Variants in GNAZ observed in about 807,000 individuals in gnomAD.
The protein encoded by GNAZ is G protein subunit alpha z, also known as guanine nucleotide-binding protein G(z) subunit alpha.
A neutral mutation model predicts 25.4 loss-of-function variants in GNAZ; 3 were observed. The observed-to-expected ratio is 0.12, with a 90% CI of 0.05 to 0.30. The LOEUF is 0.30. Ranked by LOEUF, GNAZ falls within the 10% of genes least tolerant of loss-of-function variation. The pLI, the probability that GNAZ is intolerant of heterozygous loss-of-function variation, is 1.00. For synonymous variants in GNAZ, 211 were observed against 205.7 expected, an observed-to-expected ratio of 1.03 and a Z score of -0.22; for missense variants, 241 against 501.8, an observed-to-expected ratio of 0.48 and a Z score of 4.97.
chr22:23,120,075 C>T (rs892967879), intron 2 of GNAZ, among the ~76,000 whole-genome samples: 5 of 152,182 alleles, frequency 3.3e-5, no homozygotes, highest in African/African-American at 7.2e-5. Context: ...GCCGCAGTGG[C>T]GGAATCCTGA....
chr22:23,095,534 G>A lies in GNAZ; in HGVS notation c.-162G>A, dbSNP rs1223140911. On this transcript the variant is annotated 5_prime_UTR_variant, in exon 2 of 3. Coordinates refer to ENST00000615612, the MANE Select transcript of GNAZ (RefSeq NM_002073.4). Reference sequence around the variant, plus strand: ...GCGCCATGCCGGCTGGAGAAGAGGCGCTGGGGCAGGGGCTGCAGTGTGGCT... The same window carrying A: ...GCGCCATGCCGGCTGGAGAAGAGGCACTGGGGCAGGGGCTGCAGTGTGGCT... The A allele has an allele frequency of 2.7e-5, 20 of 736,378 alleles. No homozygotes were observed. The highest frequency in any genetic ancestry group is 1.6e-4 in the East Asian group (6 of 36,864). The allele number at this position is 736,378 out of a possible 1,614,324, so 45.6% of individuals were successfully genotyped here.
chr22:23,086,138 T>C lies in GNAZ; in HGVS notation c.-449-9109T>C, dbSNP rs142384174. Among the ~76,000 whole-genome samples, 230 of 152,356 alleles carry C rather than the reference T, an allele frequency of 1.5e-3. 4 individuals carry two copies. Among genetic ancestry groups the C allele is most frequent in the Non-Finnish European group, 2.7e-3 (185 of 68,026 alleles). On this transcript the variant is annotated intron_variant, in intron 1 of 2. Transcript: ENST00000615612. ...GACTATGAAGTCATTATGAAGTACA[T>C]TTTTTAAGTAAAAAAGGCAGTCAAT... is the stretch of plus-strand genomic sequence containing the variant.
chr22:23,107,496 C>T (rs1157714612), intron 2 of GNAZ, among the ~76,000 whole-genome samples: 1 of 152,186 alleles, frequency 6.6e-6, no homozygotes, highest in Non-Finnish European at 1.5e-5. Context: ...GTTGTGGCCA[C>T]CCCAGGTTGT....
At chr22:23,099,044 C>T (rs1011704598) in intron 2 of GNAZ, among the ~76,000 whole-genome samples, 3 of 152,290 alleles carry the variant, frequency 2.0e-5, no homozygotes, top group South Asian at 2.1e-4. Flanking sequence ...GCTCTGGACA[C>T]GGCTCCTCCA....
intron 1 of GNAZ, among the ~76,000 whole-genome samples, chr22:23,082,324 G>A (rs1481829139): frequency 6.6e-6 from 1 of 150,442 alleles, no homozygotes; most frequent in Non-Finnish European, 1.5e-5. Flanking sequence ...TCAAGCTCCT[G>A]TCTCAGCCTC....
At chr22:23,074,698 A>C (rs1409654642) in intron 1 of GNAZ, among the ~76,000 whole-genome samples, 2 of 152,154 alleles carry the variant, frequency 1.3e-5, no homozygotes, top group African/African-American at 4.8e-5. Context: ...GCATCGAGAA[A>C]GAGAGATTGA....
Position 23,123,576 on chromosome 22 carries a change from C to A in GNAZ, c.*145C>A. ...CCCTTGGCCTCTGCCTCCTTGGCCC[C>A]ACATTTCTGCAAACATAAATATTTA... is the stretch of plus-strand genomic sequence containing the variant. On this transcript the variant is annotated 3_prime_UTR_variant, in exon 3 of 3. Coordinates refer to ENST00000615612, the MANE Select transcript of GNAZ (RefSeq NM_002073.4). 1 of 606,976 alleles carries A rather than the reference C, an allele frequency of 1.6e-6. No homozygotes were observed. The highest frequency in any genetic ancestry group is 2.9e-6 in the Non-Finnish European group (1 of 341,212). The allele number at this position is 606,976 out of a possible 1,614,324, so 37.6% of individuals were successfully genotyped here. A position where few individuals can be genotyped will look rare whatever the true frequency, so the allele number is the denominator to read the frequency against.
intron 2 of GNAZ, among the ~76,000 whole-genome samples, chr22:23,107,758 A>G (rs1044303331): frequency 2.6e-5 from 4 of 152,156 alleles, no homozygotes; most frequent in Admixed American, 2.6e-4. Flanking sequence ...TCAAACCCAC[A>G]TTTTCATTCA....
intron 1 of GNAZ, among the ~76,000 whole-genome samples, chr22:23,083,848 C>G (rs2068742184): frequency 6.6e-6 from 1 of 152,232 alleles, no homozygotes; most frequent in Non-Finnish European, 1.5e-5. Context: ...CAGGCCCAGA[C>G]TGAGTCCACT....
At chr22:23,097,725 T>A (rs1053555557) in intron 2 of GNAZ, among the ~76,000 whole-genome samples, 1 of 152,132 alleles carries the variant, frequency 6.6e-6, no homozygotes, top group Non-Finnish European at 1.5e-5. Flanking sequence ...AGCAGATGAG[T>A]GAGGTCAGGC....
intron 2 of GNAZ, among the ~76,000 whole-genome samples, chr22:23,115,172 G>A (rs955288210): frequency 2.0e-5 from 3 of 152,216 alleles, no homozygotes; most frequent in Non-Finnish European, 4.4e-5. Flanking sequence ...AGATGGGTCA[G>A]TACAGAGCCT....
rs116492553 is a variant in GNAZ at position 23,101,831 on chromosome 22, G to A, written c.723+5413G>A. On this transcript the variant is annotated intron_variant, in intron 2 of 2. Transcript: ENST00000615612. The stretch of plus-strand genomic sequence containing the variant: ...GTGCAGCTTGAGAGGCTCCACAGGG[G>A]TGGGAGACACAGAGGACCAAGCCCA... 5.8e-3 allele frequency among the ~76,000 whole-genome samples: 884 copies of A among 152,302 alleles called. 3 individuals carry two copies. The highest frequency in any genetic ancestry group is 0.02 in the African/African-American group (828 of 41,570).
chr22:23,118,680 C>T (rs1374036822), intron 2 of GNAZ, among the ~76,000 whole-genome samples: 1 of 152,208 alleles, frequency 6.6e-6, no homozygotes, highest in African/African-American at 2.4e-5. Context: ...AGAGGCAGCT[C>T]CTCTGAATCC....
At chr22:23,085,829 C>T (rs1360453938) in intron 1 of GNAZ, among the ~76,000 whole-genome samples, 1 of 152,212 alleles carries the variant, frequency 6.6e-6, no homozygotes, top group Non-Finnish European at 1.5e-5. Context: ...GGCCTAAGGC[C>T]ACAGCTATGA....
intron 2 of GNAZ, among the ~76,000 whole-genome samples, chr22:23,117,984 C>A (rs1330203454): frequency 1.3e-5 from 2 of 152,190 alleles, no homozygotes; most frequent in Non-Finnish European, 2.9e-5. Context: ...GTCTGGCCAG[C>A]AGTCTGGCAG....
intron 1 of GNAZ, among the ~76,000 whole-genome samples, chr22:23,094,840 G>A (rs1038106626): frequency 3.9e-5 from 6 of 152,374 alleles, no homozygotes; most frequent in Middle Eastern, 3.4e-3. Context: ...GGGCTGGGCC[G>A]AGGCCTGGCC....
chr22:23,082,614 G>A (rs1339740596), intron 1 of GNAZ, among the ~76,000 whole-genome samples: 1 of 152,118 alleles, frequency 6.6e-6, no homozygotes, highest in Non-Finnish European at 1.5e-5. Context: ...ACAGAGCCAA[G>A]GCCACAGGGG....
chr22:23,099,608 C>G (rs2069235728), intron 2 of GNAZ, among the ~76,000 whole-genome samples: 1 of 152,272 alleles, frequency 6.6e-6, no homozygotes, highest in Non-Finnish European at 1.5e-5. Flanking sequence ...GGGCCCCCAG[C>G]CCTCAAGTCC....
intron 2 of GNAZ, among the ~76,000 whole-genome samples, chr22:23,117,745 A>T (rs1343803225): frequency 6.6e-6 from 1 of 152,204 alleles, no homozygotes; most frequent in Non-Finnish European, 1.5e-5. Context: ...AGGCCCAGAG[A>T]AAGGAAATGA....
Sources: allele counts gnomAD v4.1 joint callset (sites outside exome capture counted in the v4.1 genomes callset), GRCh38; gene constraint gnomAD v4.1.1; transcripts MANE v1.5; gene names NCBI Gene and HGNC (gene_info 2026-07-23, HGNC 2026-07-21).